FYB2: variants seen among roughly 807,000 people sequenced by gnomAD.
The protein encoded by FYB2 is FYN binding protein 2, also known as FYN-binding protein 2.
In FYB2, 103 loss-of-function variants were observed where a neutral mutation model predicts 94.1. The ratio of observed to expected loss-of-function variants is 1.09; its 90% CI spans 0.93 to 1.29. The LOEUF (loss-of-function observed/expected upper bound fraction) is 1.29. Ranked by LOEUF, FYB2 falls within the 50% of genes most tolerant of loss-of-function variation. FYB2 has a pLI of 0.00. For synonymous variants in FYB2, 293 were observed against 287.9 expected, an observed-to-expected ratio of 1.02 and a Z score of -0.18; for missense variants, 896 against 841.5, an observed-to-expected ratio of 1.06 and a Z score of -0.80.
intron 15 of FYB2, among the ~76,000 whole-genome samples, chr1:56,727,940 G>T (rs1385187422): frequency 6.6e-6 from 1 of 152,122 alleles, no homozygotes; most frequent in Non-Finnish European, 1.5e-5. Context: ...TGAGACAGGA[G>T]CTCAAAGTGC....
intron 4 of FYB2, among the ~76,000 whole-genome samples, chr1:56,771,902 C>T (rs1484424456): frequency 6.6e-6 from 1 of 151,814 alleles, no homozygotes; most frequent in Admixed American, 6.6e-5. Context: ...GACTATTTTG[C>T]ATATTTTCTA....
chr1:56,753,232 C>A (rs930255751), intron 8 of FYB2, among the ~76,000 whole-genome samples: 7 of 152,026 alleles, frequency 4.6e-5, no homozygotes, highest in Non-Finnish European at 1.0e-4. Context: ...AAGCCTCCTG[C>A]CACCCAACTG....
At chr1:56,724,847 C>T (rs555684941) in intron 16 of FYB2, among the ~76,000 whole-genome samples, 1 of 152,080 alleles carries the variant, frequency 6.6e-6, no homozygotes, top group South Asian at 2.1e-4. Flanking sequence ...CTCATGTTGA[C>T]ATTTGGTCCC....
chr1:56,765,178 G>A (rs1051028459), intron 5 of FYB2, among the ~76,000 whole-genome samples: 1 of 152,148 alleles, frequency 6.6e-6, no homozygotes, highest in Admixed American at 6.5e-5. Flanking sequence ...GAAAGAGTAG[G>A]AGTGCCCTGT....
chr1:56,785,655 G>A (rs115636737), intron 4 of FYB2, among the ~76,000 whole-genome samples: 28 of 152,058 alleles, frequency 1.8e-4, no homozygotes, highest in African/African-American at 2.9e-4. Flanking sequence ...CTATAATCCC[G>A]TTTCTATACC....
intron 9 of FYB2, among the ~76,000 whole-genome samples, chr1:56,749,051 T>C (rs1284957465): frequency 7.0e-6 from 1 of 143,326 alleles, no homozygotes; most frequent in Non-Finnish European, 1.5e-5. Flanking sequence ...CAGAACTCAG[T>C]TGTGTTTTTT....
chr1:56,810,154 A>C (rs1161330740), intron 1 of FYB2, among the ~76,000 whole-genome samples: 3 of 152,190 alleles, frequency 2.0e-5, no homozygotes, highest in Admixed American at 6.5e-5. Flanking sequence ...GGCAGAGTAC[A>C]TGTTCAGTAA....
the FYB2 span, among the ~76,000 whole-genome samples, chr1:56,826,226 C>G: frequency 6.6e-6 from 1 of 152,180 alleles, no homozygotes; most frequent in Non-Finnish European, 1.5e-5. Flanking sequence ...AGGGGTACCC[C>G]CTGCCTTCAA....
intron 13 of FYB2, among the ~76,000 whole-genome samples, chr1:56,739,471 C>T (rs1243180533): frequency 1.3e-5 from 2 of 152,014 alleles, no homozygotes. Flanking sequence ...AACTCTGAGG[C>T]TTTATAATCA....
chr1:56,723,358 G>A (rs1644523879), intron 17 of FYB2, among the ~76,000 whole-genome samples: 1 of 151,898 alleles, frequency 6.6e-6, no homozygotes, highest in Non-Finnish European at 1.5e-5. Context: ...TTTGAACAGA[G>A]CCTTCAAGAA....
In FYB2 at chr1:56,742,195, C is replaced by T. The variant is rs944419790; in HGVS notation, c.1570G>A (p.Val524Ile). ...GGGTAGTTGTTCTTTGTTTTGTAGACATCTTCATACAGTTCTCTATTTTCT... is the reference window on the plus strand; with the variant it reads ...GGGTAGTTGTTCTTTGTTTTGTAGATATCTTCATACAGTTCTCTATTTTCT... ...SEENRELYED[V>I]YKTKNNYPKI... The change falls in exon 12 of 20, where the codon GTC becomes ATC. Residue 524 changes from valine (V) to isoleucine (I), a missense_variant. By Grantham distance (29) the Val-to-Ile change is conservative. Coordinates refer to ENST00000343433, the MANE Select transcript of FYB2 (RefSeq NM_001004303.5). 1 of 1,603,898 alleles carries T rather than the reference C, an allele frequency of 6.2e-7. No homozygotes were observed. The highest frequency in any genetic ancestry group is 1.3e-5 in the African/African-American group (1 of 74,536).
At chr1:56,817,132 G>C (rs1172130021) in intron 1 of FYB2, among the ~76,000 whole-genome samples, 1 of 152,138 alleles carries the variant, frequency 6.6e-6, no homozygotes, top group African/African-American at 2.4e-5. Flanking sequence ...TGCCCAGGTG[G>C]CTCTCCATTT....
Position 56,740,754 on chromosome 1 carries a change from A to G in FYB2, c.1646T>C (p.Phe549Ser). Residue 549 changes from phenylalanine to serine, a missense_variant, in exon 13 of 20, where the codon TTC becomes TCC. Phe to Ser is a radical substitution (Grantham distance 155, BLOSUM62 -2). Transcript: ENST00000343433. ...KEALKRLQQF[F>S]KKEKDRFKIK... ...TTTAAATCTATCCTTTTCTTTCTTG[A>G]AGAATTGCTGCAGTCTTTTGAGTGC... 1 of 1,608,332 alleles carries G rather than the reference A, an allele frequency of 6.2e-7. No homozygotes were observed. The highest frequency in any genetic ancestry group is 8.5e-7 in the Non-Finnish European group (1 of 1,177,040).
chr1:56,784,046 T>G (rs1226763426), intron 4 of FYB2, among the ~76,000 whole-genome samples: 1 of 152,194 alleles, frequency 6.6e-6, no homozygotes, highest in East Asian at 1.9e-4. Flanking sequence ...AACAACATCA[T>G]CATTTCACAA....
intron 1 of FYB2, among the ~76,000 whole-genome samples, chr1:56,818,676 T>A (rs1646942660): frequency 6.6e-6 from 1 of 152,142 alleles, no homozygotes; most frequent in Non-Finnish European, 1.5e-5. Context: ...TACTTTTCCA[T>A]ACATCTCTAT....
chr1:56,746,929 T>C (rs1645080693), intron 9 of FYB2, among the ~76,000 whole-genome samples: 1 of 152,028 alleles, frequency 6.6e-6, no homozygotes, highest in South Asian at 2.1e-4. Context: ...AGAGCTTTAG[T>C]TGCTCCATAT....
Position 56,787,221 on chromosome 1 carries a change from G to A in FYB2, c.920-13C>T, listed in dbSNP as rs1351683270. 6.2e-7 allele frequency: 1 copy of A among 1,613,750 alleles called. No homozygotes were observed. Among genetic ancestry groups the A allele is most frequent in the Non-Finnish European group, 8.5e-7 (1 of 1,179,830 alleles). On this transcript the variant is annotated splice_polypyrimidine_tract_variant and intron_variant, in intron 3 of 19. Coordinates refer to ENST00000343433, the MANE Select transcript of FYB2 (RefSeq NM_001004303.5). Reference sequence around the variant, plus strand: ...TCTTCCACAGTCACTGCAAGAGAAAGAGGCGGAATGAAAAAGAGGCATTTG... The same window carrying A: ...TCTTCCACAGTCACTGCAAGAGAAAAAGGCGGAATGAAAAAGAGGCATTTG...
intron 1 of FYB2, among the ~76,000 whole-genome samples, chr1:56,813,616 C>T (rs1646816168): frequency 6.6e-6 from 1 of 152,132 alleles, no homozygotes; most frequent in Non-Finnish European, 1.5e-5. Context: ...AGGTCACATT[C>T]TGAGGTGCTG....
In FYB2 at chr1:56,731,086, C is replaced by T. The variant is rs542681936; in HGVS notation, c.1794-4503G>A. Among the ~76,000 whole-genome samples, 12 of 151,936 alleles carry T rather than the reference C, an allele frequency of 7.9e-5. 1 individual carries two copies. The highest frequency in any genetic ancestry group is 2.7e-4 in the African/African-American group (11 of 41,480). Reference sequence around the variant, plus strand: ...GTGAGACCCTGTTACAAAAACAAAACAAAACAAAACAAAAAAACCCAACTC... The same window carrying T: ...GTGAGACCCTGTTACAAAAACAAAATAAAACAAAACAAAAAAACCCAACTC... On this transcript the variant is annotated intron_variant, in intron 15 of 19. Coordinates refer to ENST00000343433, the MANE Select transcript of FYB2 (RefSeq NM_001004303.5).
Sources: allele counts gnomAD v4.1 joint callset (sites outside exome capture counted in the v4.1 genomes callset), GRCh38; gene constraint gnomAD v4.1.1; transcripts MANE v1.5; gene names NCBI Gene and HGNC (gene_info 2026-07-23, HGNC 2026-07-21).